The following CELF4 variants were observed in gnomAD, a reference collection of about 807,000 sequenced individuals.
The protein encoded by CELF4 is CUGBP Elav-like family member 4.
In CELF4, 18 loss-of-function variants were observed where a neutral mutation model predicts 59.9. The ratio of observed to expected loss-of-function variants is 0.30; its 90% CI spans 0.21 to 0.45. The LOEUF is 0.45. Among genes scored for constraint, CELF4 ranks in the 20% least tolerant of loss-of-function variants. The probability of loss-of-function intolerance (pLI) is 1.00; values close to 1 mark genes in which losing one functional copy is unlikely to be tolerated. For missense variants in CELF4, 456 were observed against 689.0 expected, an observed-to-expected ratio of 0.66 and a Z score of 3.79; for synonymous variants, 261 against 267.1, an observed-to-expected ratio of 0.98 and a Z score of 0.22.
chr18:37,357,869 C>T (rs773544939), intron 2 of CELF4, among the ~76,000 whole-genome samples: 1 of 152,148 alleles, frequency 6.6e-6, no homozygotes, highest in Non-Finnish European at 1.5e-5. Context: ...TGTGTGGGGC[C>T]TTTAGCACTT....
chr18:37,530,393 C>A (rs972823850), intron 1 of CELF4, among the ~76,000 whole-genome samples: 1 of 152,062 alleles, frequency 6.6e-6, no homozygotes, highest in Non-Finnish European at 1.5e-5. Context: ...GCCATCACCC[C>A]GTGCTTTTCT....
chr18:37,399,907 C>T (rs537154209), intron 2 of CELF4, among the ~76,000 whole-genome samples: 59 of 152,268 alleles, frequency 3.9e-4, no homozygotes, highest in African/African-American at 1.3e-3. Context: ...CGCTTCTCAC[C>T]CAGGCAGATG....
intron 1 of CELF4, among the ~76,000 whole-genome samples, chr18:37,546,913 C>T (rs2099981585): frequency 6.6e-6 from 1 of 152,184 alleles, no homozygotes; most frequent in Admixed American, 6.5e-5. Context: ...CCTCCAGTGA[C>T]AACCCCTCAT....
At chr18:37,307,288 C>A (rs1431033361) in intron 3 of CELF4, among the ~76,000 whole-genome samples, 1 of 152,146 alleles carries the variant, frequency 6.6e-6, no homozygotes, top group East Asian at 1.9e-4. Flanking sequence ...GCCCCACAGT[C>A]GTGGGGCAAT....
At chr18:37,321,700 C>G in intron 3 of CELF4, 103 bp downstream of exon 3, 1 of 796,882 alleles carries the variant, frequency 1.3e-6, no homozygotes, top group East Asian at 2.6e-5. Context: ...CCCAGAGGGG[C>G]AAGAGGAGGA....
chr18:37,528,710 C>T lies in CELF4; in HGVS notation c.286+36646G>A, dbSNP rs185411727. On this transcript the variant is annotated intron_variant, in intron 1 of 12. Coordinates refer to ENST00000420428, the MANE Select transcript of CELF4 (RefSeq NM_020180.4). ...CCTTCTGGAGACTGGGATGGGGTCT[C>T]GAGTGGGAGGGAGAATCACACTTCA... Among the ~76,000 whole-genome samples the T allele has an allele frequency of 1.4e-4, 21 of 152,096 alleles. No homozygotes were observed. In the East Asian group the frequency reaches 2.5e-3, roughly 18 times the overall value.
At chr18:37,382,593 G>A (rs2099052746) in intron 2 of CELF4, among the ~76,000 whole-genome samples, 1 of 152,148 alleles carries the variant, frequency 6.6e-6, no homozygotes, top group African/African-American at 2.4e-5. Context: ...GGGTGCATGT[G>A]TACACACATG....
intron 2 of CELF4, among the ~76,000 whole-genome samples, chr18:37,421,558 G>A (rs1183659187): frequency 4.7e-5 from 1 of 21,064 alleles, no homozygotes; most frequent in Non-Finnish European, 1.6e-4. Context: ...TGTCATGCGT[G>A]TGAGTCATGT....
chr18:37,380,566 C>A (rs1198443572), intron 2 of CELF4, among the ~76,000 whole-genome samples: 2 of 152,102 alleles, frequency 1.3e-5, no homozygotes, highest in East Asian at 3.9e-4. Flanking sequence ...ATTCTTCCAT[C>A]CATTTATTTA....
intron 2 of CELF4, among the ~76,000 whole-genome samples, chr18:37,460,763 C>T (rs2099791217): frequency 6.6e-6 from 1 of 152,242 alleles, no homozygotes; most frequent in African/African-American, 2.4e-5. Context: ...CATTACTCAA[C>T]ACTGGTTCCC....
chr18:37,396,577 C>T (rs2099248300), intron 2 of CELF4, among the ~76,000 whole-genome samples: 1 of 152,142 alleles, frequency 6.6e-6, no homozygotes, highest in Non-Finnish European at 1.5e-5. Context: ...GTGTCCTCTG[C>T]ACTAAGCTTG....
chr18:37,301,589 A>T (rs999460286), intron 3 of CELF4, among the ~76,000 whole-genome samples: 1 of 152,160 alleles, frequency 6.6e-6, no homozygotes, highest in African/African-American at 2.4e-5. Flanking sequence ...GCCCTGCTCC[A>T]GGTTGGGGGT....
rs202171717 is a variant in CELF4 at position 37,266,510 on chromosome 18, C to T, written c.1165+23G>A. On this transcript the variant is annotated intron_variant, in intron 9 of 12. Transcript: ENST00000420428. ...AGATAAACGGAGTTGGGGAAGGAGC[C>T]GTGGGGACGCGTGGATACTAACGAC... 18 of 1,577,936 alleles carry T rather than the reference C, an allele frequency of 1.1e-5. No individual in the cohort carries two copies. In the Admixed American group the frequency reaches 1.3e-4, roughly 11 times the overall value.
chr18:37,520,933 T>C lies in CELF4; in HGVS notation c.287-35326A>G, dbSNP rs1388244370. Among the ~76,000 whole-genome samples, 3 of 152,100 alleles carry C rather than the reference T, an allele frequency of 2.0e-5. No individual in the cohort carries two copies. In the East Asian group the frequency reaches 5.8e-4, roughly 29 times the overall value. ...GGTTTTCCTGGCACTTCTGCAATCATCAGGAAAGCCCCTCTTCACATTGCC... is the reference window on the plus strand; with the variant it reads ...GGTTTTCCTGGCACTTCTGCAATCACCAGGAAAGCCCCTCTTCACATTGCC... On this transcript the variant is annotated intron_variant, in intron 1 of 12. Transcript: ENST00000420428.
At chr18:37,276,693 C>G (rs2093346297) in intron 3 of CELF4, 1 of 152,196 alleles carries the variant, frequency 6.6e-6, no homozygotes, top group Non-Finnish European at 1.5e-5. Context: ...ATGCTGTGCC[C>G]TGTGAATTCC....
intron 2 of CELF4, among the ~76,000 whole-genome samples, chr18:37,433,693 G>A (rs1331078612): frequency 3.3e-5 from 5 of 152,346 alleles, no homozygotes; most frequent in Middle Eastern, 3.4e-3. Context: ...CCTGTGGGGA[G>A]GAGTATGTAA....
chr18:37,508,829 C>T (rs1483819819), intron 1 of CELF4, among the ~76,000 whole-genome samples: 1 of 152,226 alleles, frequency 6.6e-6, no homozygotes, highest in East Asian at 1.9e-4. Flanking sequence ...TGAGCCAAGC[C>T]AGTTTAACTG....
At chr18:37,507,952 A>T (rs1260620282) in intron 1 of CELF4, among the ~76,000 whole-genome samples, 1 of 150,440 alleles carries the variant, frequency 6.6e-6, no homozygotes, top group Non-Finnish European at 1.5e-5. Context: ...CTTCATCCTC[A>T]CTTACCCCAC....
intron 1 of CELF4, among the ~76,000 whole-genome samples, chr18:37,509,969 A>G (rs947115202): frequency 2.0e-5 from 3 of 152,308 alleles, no homozygotes; most frequent in African/African-American, 7.2e-5. Flanking sequence ...ATCCATGGAG[A>G]TAGAAAGAAG....
Sources: gnomAD v4.1 joint callset for allele counts (sites outside exome capture counted in the v4.1 genomes callset) on GRCh38, gnomAD v4.1.1 for gene constraint, MANE v1.5 for transcripts, NCBI Gene and HGNC (gene_info 2026-07-23, HGNC 2026-07-21) for gene names.